Variants in MYO1E observed in about 807,000 individuals in gnomAD.
The protein encoded by MYO1E is unconventional myosin-Ie.
MYO1E carries 68 observed loss-of-function variants against 151.1 expected under a neutral mutation model. The observed-to-expected ratio is 0.45, with a 90% CI of 0.37 to 0.55. The LOEUF (loss-of-function observed/expected upper bound fraction) is 0.55. Ranked by LOEUF, MYO1E falls within the 20% of genes least tolerant of loss-of-function variation. MYO1E has a pLI of 0.00. For missense variants in MYO1E, 1,363 were observed against 1,389.3 expected (o/e 0.98, Z 0.30); for synonymous variants, 601 against 501.7 (o/e 1.20, Z -2.64).
In MYO1E at chr15:59,138,348, T is replaced by C. The variant is rs1381974696; in HGVS notation, c.3100A>G (p.Ser1034Gly). ...CTGCCCCCTGCTGGGGGAGGCCGAC[T>C]GGTTGTTTGTCTCCTGACCCTGTGG... The part of the protein sequence containing the change: ...GAAGVRRQTT[S>G]RPPPAGGRPK... The change falls in exon 27 of 28, where the codon AGT (serine) becomes GGT (glycine). Residue 1034 changes from serine (S) to glycine (G), a missense_variant. Physicochemically the swap from Ser to Gly is moderately conservative, Grantham distance 56 (BLOSUM62 0). Transcript: ENST00000288235. 10 of 1,614,000 alleles carry C rather than the reference T, an allele frequency of 6.2e-6. No homozygotes were observed. The highest frequency in any genetic ancestry group is 8.5e-6 in the Non-Finnish European group (10 of 1,179,978).
In MYO1E at chr15:59,161,017, C is replaced by T. The variant is rs1011673272; in HGVS notation, c.2785+56G>A. The T allele has an allele frequency of 2.9e-5, 46 of 1,606,516 alleles. No homozygotes were observed. The African/African-American group carries it at 4.3e-4, about 15-fold the overall frequency. On this transcript the variant is annotated intron_variant, in intron 24 of 27. Coordinates refer to ENST00000288235, the MANE Select transcript of MYO1E (RefSeq NM_004998.4). ...TGTGCACATGTTTGCAGCATTTGCT[C>T]GGGAGACTCGGGGGAGCGGCGGCAG...
At chr15:59,288,153 A>T (rs1423827842) in intron 1 of MYO1E, among the ~76,000 whole-genome samples, 2 of 152,080 alleles carry the variant, frequency 1.3e-5, no homozygotes, top group East Asian at 3.9e-4. Flanking sequence ...AAATAATTCT[A>T]TTACTTTTTT....
At chr15:59,178,904 C>A (rs1177856375) in intron 18 of MYO1E, among the ~76,000 whole-genome samples, 2 of 152,244 alleles carry the variant, frequency 1.3e-5, no homozygotes, top group African/African-American at 4.8e-5. Flanking sequence ...CCCCTGACTT[C>A]TTCAGGGCAT....
intron 22 of MYO1E, among the ~76,000 whole-genome samples, chr15:59,166,547 G>GT (rs1473762452): frequency 8.0e-5 from 12 of 150,302 alleles, no homozygotes; most frequent in Admixed American, 4.6e-4. Flanking sequence ...TCCTGAAGGA[G>GT]TTTTGTTTTT....
At chr15:59,315,925 C>T (rs529824942) in intron 1 of MYO1E, among the ~76,000 whole-genome samples, 6 of 152,220 alleles carry the variant, frequency 3.9e-5, no homozygotes, top group African/African-American at 1.2e-4. Flanking sequence ...AAATAAGCTG[C>T]GATCCATCAG....
chr15:59,226,280 T>C (rs2079990923), intron 7 of MYO1E, among the ~76,000 whole-genome samples: 1 of 152,186 alleles, frequency 6.6e-6, no homozygotes, highest in South Asian at 2.1e-4. Context: ...GTGTGTGTAA[T>C]TGAAAAGATT....
intron 4 of MYO1E, among the ~76,000 whole-genome samples, chr15:59,240,378 C>G (rs1369818332): frequency 1.3e-5 from 2 of 151,570 alleles, no homozygotes; most frequent in African/African-American, 4.9e-5. Context: ...GAGTGTGTGT[C>G]TGTGTGTGGG....
chr15:59,240,722 T>C (rs575345225), intron 4 of MYO1E, among the ~76,000 whole-genome samples: 1 of 152,370 alleles, frequency 6.6e-6, no homozygotes, highest in South Asian at 2.1e-4. Context: ...CCTGGCTCTG[T>C]ACCACAGGAA....
intron 1 of MYO1E, among the ~76,000 whole-genome samples, chr15:59,298,353 CAG>C (rs2080463210): frequency 6.6e-6 from 1 of 152,188 alleles, no homozygotes; most frequent in African/African-American, 2.4e-5. Flanking sequence ...CGCTGAGTTC[CAG>C]AGAGGCTGAG....
intron 5 of MYO1E, among the ~76,000 whole-genome samples, 182 bp downstream of exon 5, chr15:59,236,403 C>A (rs1277440344): frequency 1.4e-5 from 2 of 147,604 alleles, no homozygotes; most frequent in South Asian, 2.1e-4. Context: ...CACACACACA[C>A]ACACACACAC....
intron 25 of MYO1E, among the ~76,000 whole-genome samples, chr15:59,157,836 C>T (rs558335538): frequency 6.6e-6 from 1 of 152,196 alleles, no homozygotes; most frequent in African/African-American, 2.4e-5. Context: ...CATTTTCAAG[C>T]CCCCACTGGG....
intron 6 of MYO1E, among the ~76,000 whole-genome samples, chr15:59,230,224 T>TGTGTGTGTGTGTG (rs1555412948): frequency 8.7e-5 from 11 of 126,916 alleles, no homozygotes; most frequent in East Asian, 7.7e-4. Flanking sequence ...CAGTGTGTGT[T>TGTGTGTGTGTGTG]TGTGTGTGTG....
At chr15:59,147,551 C>T (rs576850699) in intron 26 of MYO1E, among the ~76,000 whole-genome samples, 67 of 120,234 alleles carry the variant, frequency 5.6e-4, no homozygotes, top group African/African-American at 1.9e-3. Flanking sequence ...GAGCCAGGAT[C>T]GCGCCATTGC....
chr15:59,209,016 G>A (rs2079859511), intron 13 of MYO1E, 168 bp from the exon 14 acceptor site: 1 of 798,830 alleles, frequency 1.3e-6, no homozygotes, highest in Non-Finnish European at 2.0e-6. Flanking sequence ...CAAATAGGGA[G>A]TCACCACTTA....
At chr15:59,199,128 C>T (rs1476952741) in intron 16 of MYO1E, among the ~76,000 whole-genome samples, 1 of 152,166 alleles carries the variant, frequency 6.6e-6, no homozygotes. Flanking sequence ...TGGAGTCTCG[C>T]TCTGTCGCCC....
At position 59,229,132 on chromosome 15, in the gene MYO1E, C is replaced by T. The variant is rs528340117; in HGVS notation, c.511-1542G>A. On this transcript the variant is annotated intron_variant, in intron 6 of 27. Coordinates refer to ENST00000288235, the MANE Select transcript of MYO1E (RefSeq NM_004998.4). ...AGAGGGAATACTTCAGTGCCTGTCC[C>T]CCATTCCTCAACAGTTGAGGGAAAA... 3.5e-4 allele frequency among the ~76,000 whole-genome samples: 53 copies of T among 152,332 alleles called. 1 individual carries two copies. The South Asian group carries it at 0.011, about 30-fold the overall frequency.
At chr15:59,369,588 C>T (rs943126239) in intron 1 of MYO1E, among the ~76,000 whole-genome samples, 21 of 152,192 alleles carry the variant, frequency 1.4e-4, no homozygotes, top group Admixed American at 1.3e-3. Flanking sequence ...TGCTAAACAA[C>T]CTCCACTAAA....
chr15:59,160,666 G>A (rs1399431326), intron 24 of MYO1E, among the ~76,000 whole-genome samples: 1 of 152,012 alleles, frequency 6.6e-6, no homozygotes, highest in African/African-American at 2.4e-5. Context: ...CGATCGTCCG[G>A]CCTTGGCCTC....
At chr15:59,206,367 G>A (rs11852272) in intron 14 of MYO1E, among the ~76,000 whole-genome samples, 2 of 152,126 alleles carry the variant, frequency 1.3e-5, no homozygotes, top group Non-Finnish European at 2.9e-5. Context: ...CTACCCTGCT[G>A]AAGCCCCAGC....
Sources: gnomAD v4.1 joint callset for allele counts (sites outside exome capture counted in the v4.1 genomes callset) on GRCh38, gnomAD v4.1.1 for gene constraint, MANE v1.5 for transcripts, NCBI Gene and HGNC (gene_info 2026-07-23, HGNC 2026-07-21) for gene names.